ITPR2: variants seen among roughly 807,000 people sequenced by gnomAD.
ITPR2 encodes inositol 1,4,5-trisphosphate receptor type 2, also known as inositol 1,4,5-trisphosphate-gated calcium channel ITPR2.
ITPR2 carries 207 observed loss-of-function variants against 317.1 expected under a neutral mutation model. The observed-to-expected ratio is 0.65, with a 90% CI of 0.58 to 0.73. ITPR2 has a LOEUF of 0.73. Among genes scored for constraint, ITPR2 ranks in the 30% least tolerant of loss-of-function variants. The pLI, the probability that ITPR2 is intolerant of heterozygous loss-of-function variation, is 0.00. For synonymous variants in ITPR2, 1,156 were observed against 1,149.1 expected, an observed-to-expected ratio of 1.01 and a Z score of -0.12; for missense variants, 2,613 against 3,284.0, an observed-to-expected ratio of 0.80 and a Z score of 4.99.
chr12:26,571,328 A>AT, intron 34 of ITPR2, among the ~76,000 whole-genome samples: 1 of 152,334 alleles, frequency 6.6e-6, no homozygotes, highest in African/African-American at 2.4e-5. Flanking sequence ...GCCTCAAAAC[A>AT]TTAATGGCAA....
chr12:26,778,391 AGTGGATTAT>A (rs1477337518), intron 2 of ITPR2, among the ~76,000 whole-genome samples: 1 of 152,246 alleles, frequency 6.6e-6, no homozygotes, highest in African/African-American at 2.4e-5. Flanking sequence ...AGAGAATGAC[AGTGGATTAT>A]CATAAGCTTA....
At chr12:26,625,505 AAC>A (rs1238914171) in intron 23 of ITPR2, among the ~76,000 whole-genome samples, 3 of 152,324 alleles carry the variant, frequency 2.0e-5, no homozygotes, top group Admixed American at 6.5e-5. Context: ...TAAGTCAATT[AAC>A]AGTTTGAAAA....
chr12:26,465,154 C>G (rs886951813), intron 45 of ITPR2, among the ~76,000 whole-genome samples: 4 of 152,174 alleles, frequency 2.6e-5, no homozygotes, highest in Admixed American at 2.6e-4. Context: ...TAGAAGACCT[C>G]TAACAGAAGC....
intron 13 of ITPR2, among the ~76,000 whole-genome samples, chr12:26,671,534 G>C (rs1239879759): frequency 2.6e-5 from 4 of 152,114 alleles, no homozygotes; most frequent in Admixed American, 2.0e-4. Context: ...TGCCCTAAAA[G>C]AGGTCCTGAA....
chr12:26,588,992 A>G (rs766764072), intron 32 of ITPR2, among the ~76,000 whole-genome samples: 1 of 152,220 alleles, frequency 6.6e-6, no homozygotes, highest in African/African-American at 2.4e-5. Context: ...GCCTTCTAAT[A>G]ATGACTCAAA....
chr12:26,794,387 C>T (rs188742428), intron 1 of ITPR2, among the ~76,000 whole-genome samples: 103 of 152,192 alleles, frequency 6.8e-4, no homozygotes, highest in African/African-American at 2.0e-3. Context: ...GAAAATGCAT[C>T]GTTTTCTTAT....
At chr12:26,537,871 C>T (rs1944141930) in intron 37 of ITPR2, among the ~76,000 whole-genome samples, 2 of 152,264 alleles carry the variant, frequency 1.3e-5, no homozygotes, top group South Asian at 2.1e-4. Flanking sequence ...TTTTAAGCAA[C>T]TAAGATTTAT....
chr12:26,693,145 T>C (rs1443276727), intron 10 of ITPR2, among the ~76,000 whole-genome samples: 1 of 152,186 alleles, frequency 6.6e-6, no homozygotes, highest in Non-Finnish European at 1.5e-5. Context: ...GATGTCTCCC[T>C]GAGATGACAG....
intron 2 of ITPR2, among the ~76,000 whole-genome samples, chr12:26,789,072 A>G (rs1222777513): frequency 6.6e-6 from 1 of 152,180 alleles, no homozygotes; most frequent in East Asian, 1.9e-4. Flanking sequence ...GGGTTAGGAG[A>G]GTATCCCTAC....
At chr12:26,800,316 T>C (rs573893434) in intron 1 of ITPR2, among the ~76,000 whole-genome samples, 3 of 152,212 alleles carry the variant, frequency 2.0e-5, no homozygotes, top group African/African-American at 7.2e-5. Context: ...AAATTACTAA[T>C]AACACAAGGA....
chr12:26,716,790 T>C (rs1948746804), intron 5 of ITPR2, among the ~76,000 whole-genome samples: 1 of 152,152 alleles, frequency 6.6e-6, no homozygotes, highest in African/African-American at 2.4e-5. Context: ...AGAAATATGT[T>C]TTGTGTTTGA....
intron 2 of ITPR2, among the ~76,000 whole-genome samples, chr12:26,753,809 G>A (rs1469765018): frequency 6.6e-6 from 1 of 152,156 alleles, no homozygotes; most frequent in Non-Finnish European, 1.5e-5. Context: ...AGACGACCCA[G>A]CAAACTGGCC....
In ITPR2 at chr12:26,715,751, C is replaced by A; in HGVS notation, c.708+1G>T. The A allele has an allele frequency of 1.3e-6, 2 of 1,572,168 alleles. No individual in the cohort carries two copies. The highest frequency in any genetic ancestry group is 1.7e-5 in the Admixed American group (1 of 59,744). ...AAATGTCCTGTGTAGCACATACTTA[C>A]TCCTTTTAATACATCCTCTCGATAG... On this transcript the variant is annotated splice_donor_variant, in intron 7 of 56. Transcript: ENST00000381340. LOFTEE classifies it high-confidence loss of function.
At chr12:26,542,259 G>C (rs1008738344) in intron 37 of ITPR2, among the ~76,000 whole-genome samples, 5 of 152,154 alleles carry the variant, frequency 3.3e-5, no homozygotes, top group Non-Finnish European at 5.9e-5. Flanking sequence ...TACACACTTA[G>C]GCAAATTTTA....
intron 34 of ITPR2, among the ~76,000 whole-genome samples, chr12:26,575,156 C>T (rs1177211901): frequency 1.4e-5 from 2 of 146,446 alleles, no homozygotes; most frequent in Non-Finnish European, 3.0e-5. Flanking sequence ...GGTGGAAACT[C>T]GAGAAAGCTA....
chr12:26,612,958 T>C (rs569343384), intron 26 of ITPR2, among the ~76,000 whole-genome samples: 18 of 152,320 alleles, frequency 1.2e-4, no homozygotes, highest in South Asian at 6.2e-4. Context: ...CTTCTTTCAG[T>C]CATCAGGCCC....
chr12:26,721,626 C>T (rs1051409175), intron 5 of ITPR2, among the ~76,000 whole-genome samples: 87 of 152,246 alleles, frequency 5.7e-4, no homozygotes, highest in African/African-American at 2.0e-3. Context: ...GTGCTAAGGA[C>T]TATCACGCAG....
chr12:26,674,773 G>A (rs1444562911), intron 13 of ITPR2, among the ~76,000 whole-genome samples: 3 of 152,004 alleles, frequency 2.0e-5, no homozygotes, highest in Non-Finnish European at 4.4e-5. Flanking sequence ...CACAAAATGG[G>A]AGAAAATTTT....
chr12:26,768,413 A>AT (rs1477640008), intron 2 of ITPR2, among the ~76,000 whole-genome samples: 2 of 84,564 alleles, frequency 2.4e-5, no homozygotes, highest in East Asian at 5.0e-4. Context: ...TTAAAGTATA[A>AT]TAAAAAAAAA....
Sources: allele counts gnomAD v4.1 joint callset (sites outside exome capture counted in the v4.1 genomes callset), GRCh38; gene constraint gnomAD v4.1.1; transcripts MANE v1.5; gene names NCBI Gene and HGNC (gene_info 2026-07-23, HGNC 2026-07-21).